Variants in TCF7 observed in about 807,000 individuals in gnomAD.
The protein encoded by TCF7 is T-cell-factor-7.
In TCF7, 19 loss-of-function variants were observed where a neutral mutation model predicts 46.8. The ratio of observed to expected loss-of-function variants is 0.41; its 90% CI spans 0.28 to 0.60. The LOEUF is 0.60. TCF7 is among the 20% of genes least tolerant of loss of function. TCF7 has a pLI of 0.35. For missense variants in TCF7, 547 were observed against 504.6 expected (o/e 1.08, Z -0.81); for synonymous variants, 245 against 213.4 (o/e 1.15, Z -1.29).
chr5:134,146,077 A>ATGCC, intron 9 of TCF7, 147 bp from the exon 10 acceptor site: 1 of 1,586,246 alleles, frequency 6.3e-7, no homozygotes, highest in Non-Finnish European at 8.5e-7. Context: ...GCAGAATGGC[A>ATGCC]GTCTGAGGAC....
rs1164509741 is a variant in TCF7 at position 134,142,432 on chromosome 5, T to C, written c.755+128T>C. On this transcript the variant is annotated intron_variant, in intron 6 of 9. Transcript: ENST00000342854. Reference sequence around the variant, plus strand: ...GTGCCTCTGGCTATGTTTTTGATCCTCAGAAGTAGGAGGGGGTGGGTGGGA... The same window carrying C: ...GTGCCTCTGGCTATGTTTTTGATCCCCAGAAGTAGGAGGGGGTGGGTGGGA... The C allele has an allele frequency of 1.2e-4, 31 of 259,712 alleles. No individual in the cohort carries two copies. In the East Asian group the frequency reaches 3.3e-3, roughly 28 times the overall value. The allele number at this position is 259,712 out of a possible 1,614,324, so 16.1% of individuals were successfully genotyped here.
At position 134,145,039 on chromosome 5, in the gene TCF7, C is replaced by T. The variant is rs878927897; in HGVS notation, c.1076-1185C>T. ...ATAGTAGTAAATACTGAACACAGCG[C>T]GTGGAGAAGACCACTTGGGTCTAAG... On this transcript the variant is annotated intron_variant, in intron 9 of 9. Transcript: ENST00000342854. The T allele has an allele frequency of 6.2e-5, 41 of 658,902 alleles. 1 individual carries two copies. Among genetic ancestry groups the T allele is most frequent in the South Asian group, 3.2e-4 (19 of 58,466 alleles). The allele number at this position is 658,902 out of a possible 1,614,324, so 40.8% of individuals were successfully genotyped here.
At chr5:134,133,336 A>G (rs1011065939) in intron 3 of TCF7, among the ~76,000 whole-genome samples, 1 of 152,150 alleles carries the variant, frequency 6.6e-6, no homozygotes, top group Non-Finnish European at 1.5e-5. Flanking sequence ...TGTGCCATTG[A>G]AATGCTCGGG....
At chr5:134,118,441 G>C (rs1580796919) in intron 3 of TCF7, among the ~76,000 whole-genome samples, 1 of 152,314 alleles carries the variant, frequency 6.6e-6, no homozygotes, top group Middle Eastern at 3.4e-3. Flanking sequence ...CCTCCCTCAA[G>C]AGCAGGGAAA....
At chr5:134,129,164 A>G (rs996360541) in intron 3 of TCF7, among the ~76,000 whole-genome samples, 10 of 152,230 alleles carry the variant, frequency 6.6e-5, no homozygotes, top group Non-Finnish European at 1.3e-4. Context: ...CGAAGTCTGT[A>G]TGCACAGCAC....
At chr5:134,140,370 C>G (rs925641825) in intron 5 of TCF7, among the ~76,000 whole-genome samples, 23 of 152,190 alleles carry the variant, frequency 1.5e-4, no homozygotes, top group African/African-American at 5.6e-4. Flanking sequence ...CAGAGAGGTA[C>G]CTCATCCAGC....
intron 5 of TCF7, chr5:134,139,326 A>T: frequency 2.4e-6 from 1 of 424,598 alleles, no homozygotes; most frequent in Non-Finnish European, 4.3e-6. Flanking sequence ...ATCCCCTTAG[A>T]TGGGAGAACT....
chr5:134,146,958 T>C lies in TCF7; in HGVS notation c.*655T>C, dbSNP rs536277028. 3.7e-4 allele frequency: 69 copies of C among 187,588 alleles called. No individual in the cohort carries two copies. The highest frequency in any genetic ancestry group is 1.6e-3 in the African/African-American group (67 of 41,934). 11.6% of individuals were successfully genotyped at this position (187,588 alleles called of 1,614,324 possible). The stretch of plus-strand genomic sequence containing the variant: ...GAATGAGCTGGTTTGTCAAACAACA[T>C]GTGAGCATGGTCACAAGCACAAAGC... On this transcript the variant is annotated 3_prime_UTR_variant, in exon 10 of 10. Transcript: ENST00000342854.
intron 2 of TCF7, 151 bp from the exon 3 acceptor site, chr5:134,115,758 C>T (rs957227660): frequency 1.4e-6 from 2 of 1,466,908 alleles, no homozygotes; most frequent in East Asian, 2.5e-5. Flanking sequence ...TCCCCTAAAA[C>T]TTGGCACTGC....
intron 3 of TCF7, among the ~76,000 whole-genome samples, chr5:134,128,328 G>T (rs962322830): frequency 6.6e-6 from 1 of 152,172 alleles, no homozygotes; most frequent in African/African-American, 2.4e-5. Flanking sequence ...CTCCCATGCA[G>T]TTGGCACTGC....
chr5:134,138,465 C>T, intron 4 of TCF7: 1 of 345,588 alleles, frequency 2.9e-6, no homozygotes, highest in South Asian at 8.2e-5. Context: ...TTCCTCCTCT[C>T]AGTGAGAAAA....
chr5:134,143,547 T>C, intron 8 of TCF7, 45 bp from the exon 9 acceptor site: 1 of 1,613,314 alleles, frequency 6.2e-7, no homozygotes. Flanking sequence ...GGTATCCCAA[T>C]GTCTGCCTCC....
intron 9 of TCF7, chr5:134,144,431 T>A: frequency 3.8e-6 from 1 of 263,072 alleles, no homozygotes; most frequent in Non-Finnish European, 7.4e-6. Flanking sequence ...GGGGAGGAGG[T>A]GGGTGGCCCT....
At chr5:134,118,590 G>A (rs1255862989) in intron 3 of TCF7, among the ~76,000 whole-genome samples, 1 of 152,084 alleles carries the variant, frequency 6.6e-6, no homozygotes, top group African/African-American at 2.4e-5. Flanking sequence ...AACTGCCACG[G>A]GACACATTTT....
At chr5:134,130,205 C>A (rs1757927798) in intron 3 of TCF7, among the ~76,000 whole-genome samples, 1 of 152,368 alleles carries the variant, frequency 6.6e-6, no homozygotes, top group African/African-American at 2.4e-5. Flanking sequence ...TGCGAAAGCC[C>A]ACAAATCGAG....
At chr5:134,119,953 G>A (rs1756347908) in intron 3 of TCF7, among the ~76,000 whole-genome samples, 1 of 152,170 alleles carries the variant, frequency 6.6e-6, no homozygotes, top group Non-Finnish European at 1.5e-5. Flanking sequence ...CAGGTACTGG[G>A]CCCCCAGACT....
chr5:134,147,508 G>T lies in TCF7; in HGVS notation c.*1205G>T, dbSNP rs1760843753. The T allele has an allele frequency of 6.5e-6, 1 of 152,678 alleles. No homozygotes were observed. Among genetic ancestry groups the T allele is most frequent in the South Asian group, 2.1e-4 (1 of 4,836 alleles). The allele number at this position is 152,678 out of a possible 1,614,324, so 9.5% of individuals were successfully genotyped here. On this transcript the variant is annotated 3_prime_UTR_variant, in exon 10 of 10. Transcript: ENST00000342854. Reference sequence around the variant, plus strand: ...TGGCCGGCTCCAGTTTCCCCATGGGGCTGCGGGACAGAGGACCATTACAAC... The same window carrying T: ...TGGCCGGCTCCAGTTTCCCCATGGGTCTGCGGGACAGAGGACCATTACAAC...
At chr5:134,127,985 A>G (rs78056501) in intron 3 of TCF7, among the ~76,000 whole-genome samples, 2 of 152,216 alleles carry the variant, frequency 1.3e-5, no homozygotes, top group Admixed American at 6.5e-5. Context: ...CAGCAACCCC[A>G]TGAGACCTGG....
chr5:134,132,994 AG>A (rs1024595202), intron 3 of TCF7, among the ~76,000 whole-genome samples: 6 of 152,218 alleles, frequency 3.9e-5, no homozygotes, highest in Non-Finnish European at 8.8e-5. Context: ...GAGTGGTCTG[AG>A]GAAGTCTTTG....
Sources: gnomAD v4.1 joint callset for allele counts (sites outside exome capture counted in the v4.1 genomes callset) on GRCh38, gnomAD v4.1.1 for gene constraint, MANE v1.5 for transcripts, NCBI Gene and HGNC (gene_info 2026-07-23, HGNC 2026-07-21) for gene names.